TANGO6: variants seen among roughly 807,000 people sequenced by gnomAD.
TANGO6 encodes the protein transport and golgi organization 6 homolog, also known as transport and Golgi organization protein 6 homolog.
Under a neutral mutation model 114.2 loss-of-function variants are expected in TANGO6, and 90 were observed. The observed-to-expected ratio is 0.79, with a 90% confidence interval of 0.66 to 0.94. The LOEUF is 0.94. Ranked by LOEUF, TANGO6 falls within the 40% of genes least tolerant of loss-of-function variation. The pLI is 0.00. For synonymous variants in TANGO6, 477 were observed against 509.8 expected (o/e 0.94, Z 0.87); for missense variants, 1,274 against 1,315.3 (o/e 0.97, Z 0.49).
At chr16:68,955,858 C>T (rs1963524823) in intron 14 of TANGO6, among the ~76,000 whole-genome samples, 1 of 152,012 alleles carries the variant, frequency 6.6e-6, no homozygotes, top group African/African-American at 2.4e-5. Flanking sequence ...CTAAAAATAA[C>T]TATTATATAA....
intron 14 of TANGO6, among the ~76,000 whole-genome samples, chr16:68,939,966 G>A (rs959394315): frequency 2.6e-5 from 4 of 151,854 alleles, no homozygotes; most frequent in Non-Finnish European, 5.9e-5. Flanking sequence ...AAACTGTGTA[G>A]CACCTGAGCT....
chr16:69,012,100 G>C (rs957901314), intron 15 of TANGO6, among the ~76,000 whole-genome samples: 2 of 152,184 alleles, frequency 1.3e-5, no homozygotes, highest in Admixed American at 1.3e-4. Flanking sequence ...CTGACTTCCT[G>C]AGAATAGGGA....
intron 14 of TANGO6, among the ~76,000 whole-genome samples, chr16:68,947,944 T>A (rs1460942684): frequency 6.6e-6 from 1 of 152,058 alleles, no homozygotes; most frequent in Non-Finnish European, 1.5e-5. Flanking sequence ...TCACAGAAGT[T>A]GGGAGAGTGA....
chr16:69,050,690 A>G (rs1959935634), intron 17 of TANGO6, among the ~76,000 whole-genome samples: 1 of 152,052 alleles, frequency 6.6e-6, no homozygotes, highest in Non-Finnish European at 1.5e-5. Context: ...GGGTTTCACC[A>G]TGTTGGTCAG....
intron 1 of TANGO6, among the ~76,000 whole-genome samples, chr16:68,844,046 G>A (rs896232635): frequency 1.3e-5 from 2 of 152,096 alleles, no homozygotes; most frequent in African/African-American, 4.8e-5. Context: ...CTCCAGAGAG[G>A]GTAGGGCGCC....
chr16:69,074,311 C>T (rs1293690253), intron 17 of TANGO6, among the ~76,000 whole-genome samples: 1 of 151,458 alleles, frequency 6.6e-6, no homozygotes, highest in Non-Finnish European at 1.5e-5. Flanking sequence ...AAAGGAGTCC[C>T]GATCCAGACC....
chr16:69,069,596 G>A (rs187964401), intron 17 of TANGO6, among the ~76,000 whole-genome samples: 2 of 151,860 alleles, frequency 1.3e-5, no homozygotes, highest in African/African-American at 2.4e-5. Flanking sequence ...TCTTTCCCCT[G>A]TCTTCACCTG....
intron 4 of TANGO6, among the ~76,000 whole-genome samples, chr16:68,870,740 C>G (rs1368949838): frequency 6.6e-6 from 1 of 151,062 alleles, no homozygotes; most frequent in Non-Finnish European, 1.5e-5. Flanking sequence ...TCAGTGCAAA[C>G]TTCCTTCTGC....
intron 11 of TANGO6, among the ~76,000 whole-genome samples, chr16:68,916,325 T>C (rs999645182): frequency 6.6e-6 from 1 of 152,062 alleles, no homozygotes; most frequent in African/African-American, 2.4e-5. Context: ...TAGATTCTCA[T>C]AGGAGCACAA....
intron 17 of TANGO6, among the ~76,000 whole-genome samples, chr16:69,079,284 C>G (rs763722113): frequency 4.0e-5 from 6 of 151,830 alleles, no homozygotes; most frequent in Non-Finnish European, 8.8e-5. Context: ...GAGCCGAGAT[C>G]GCACATTGCA....
At chr16:69,022,738 A>C (rs1042528418) in intron 15 of TANGO6, 90 bp from the exon 16 acceptor site, 93 of 1,365,828 alleles carry the variant, frequency 6.8e-5, no homozygotes, top group Non-Finnish European at 9.2e-5. Context: ...ATAAGACATC[A>C]TGCAGTGAAC....
At chr16:68,920,972 G>A (rs898106516) in intron 12 of TANGO6, among the ~76,000 whole-genome samples, 2 of 151,084 alleles carry the variant, frequency 1.3e-5, no homozygotes, top group Admixed American at 6.6e-5. Flanking sequence ...AAAAGGTGGC[G>A]GGTGCCTGTA....
Position 68,909,377 on chromosome 16 carries a change from A to T in TANGO6, c.1967A>T (p.Glu656Val). The part of the protein sequence containing the change: ...LMAVLCERMS[E>V]QIFTNVTQVV... The stretch of plus-strand genomic sequence containing the variant: ...GCTGTTCTGTGCGAGAGAATGTCTG[A>T]GCAGATATTCACAAACGTCACTCAG... Residue 656 changes from glutamate to valine, a missense_variant, in exon 11 of 18, where the codon GAG becomes GTG. Glu to Val is a moderately radical substitution (Grantham distance 121). Around this residue, in one of 5 missense-constraint regions of TANGO6, gnomAD observed 908 missense variants for 910.2 expected, o/e 1.00. Transcript: ENST00000261778. The T allele has an allele frequency of 6.4e-7, 1 of 1,556,374 alleles. No individual in the cohort carries two copies. Among genetic ancestry groups the T allele is most frequent in the Non-Finnish European group, 8.7e-7 (1 of 1,147,444 alleles).
At chr16:68,981,301 T>C (rs1250045596) in intron 15 of TANGO6, among the ~76,000 whole-genome samples, 1 of 149,674 alleles carries the variant, frequency 6.7e-6, no homozygotes, top group African/African-American at 2.5e-5. Flanking sequence ...ACCTCTGCCT[T>C]CCGGGTTCAA....
At chr16:68,884,627 G>A (rs1166140646) in intron 7 of TANGO6, among the ~76,000 whole-genome samples, 3 of 152,092 alleles carry the variant, frequency 2.0e-5, no homozygotes, top group African/African-American at 7.2e-5. Flanking sequence ...AGTACTGTCA[G>A]GATAGGGGTA....
In TANGO6 at chr16:69,011,593, T is replaced by C. The variant is rs145004481; in HGVS notation, c.2843-11235T>C. On this transcript the variant is annotated intron_variant, in intron 15 of 17. Coordinates refer to ENST00000261778, the MANE Select transcript of TANGO6 (RefSeq NM_024562.2). ...CCTCAGCCTCCCTAGTAGCTGGGAC[T>C]ACAGGCACATGCTACCATACCCAGC... Among the ~76,000 whole-genome samples the C allele has an allele frequency of 9.5e-3, 1,440 of 152,258 alleles. 23 individuals are homozygous for C. Among genetic ancestry groups the C allele is most frequent in the African/African-American group, 0.033 (1,365 of 41,538 alleles).
intron 17 of TANGO6, among the ~76,000 whole-genome samples, chr16:69,050,224 T>C (rs1431124634): frequency 6.6e-6 from 1 of 152,200 alleles, no homozygotes; most frequent in African/African-American, 2.4e-5. Flanking sequence ...ATTCTCCATA[T>C]CCTCACGAAC....
intron 17 of TANGO6, among the ~76,000 whole-genome samples, chr16:69,075,799 C>T (rs1207728823): frequency 1.4e-5 from 2 of 145,676 alleles, no homozygotes; most frequent in African/African-American, 5.1e-5. Context: ...GAGTCTCACT[C>T]TGTGTTACCC....
chr16:68,894,450 A>T (rs1203186553), intron 7 of TANGO6, among the ~76,000 whole-genome samples: 2 of 152,060 alleles, frequency 1.3e-5, no homozygotes, highest in Non-Finnish European at 2.9e-5. Context: ...CTTGGTATTA[A>T]TAGAAGGGAG....
Sources: allele counts gnomAD v4.1 joint callset (sites outside exome capture counted in the v4.1 genomes callset), GRCh38; gene constraint gnomAD v4.1.1; regional missense constraint gnomAD v4.1.1; transcripts MANE v1.5; gene names NCBI Gene and HGNC (gene_info 2026-07-23, HGNC 2026-07-21).